DPP10: variants seen among roughly 807,000 people sequenced by gnomAD.
DPP10 encodes dipeptidyl peptidase like 10, also known as inactive dipeptidyl peptidase 10.
Under a neutral mutation model 120.9 loss-of-function variants are expected in DPP10, and 33 were observed. The ratio of observed to expected loss-of-function variants is 0.27; its 90% CI spans 0.21 to 0.37. The LOEUF (loss-of-function observed/expected upper bound fraction) is 0.37. Ranked by LOEUF, DPP10 falls within the 10% of genes least tolerant of loss-of-function variation. DPP10 has a pLI of 1.00. For missense variants in DPP10, 816 were observed against 942.8 expected (o/e 0.87, Z 1.76); for synonymous variants, 337 against 326.1 (o/e 1.03, Z -0.36).
intron 1 of DPP10, among the ~76,000 whole-genome samples, chr2:114,552,363 G>A (rs1408977469): frequency 1.3e-5 from 2 of 152,110 alleles, no homozygotes. Flanking sequence ...TGTATTTTCC[G>A]GCTGTCTAGT....
At chr2:114,796,626 C>T (rs1034576559) in intron 1 of DPP10, among the ~76,000 whole-genome samples, 1 of 152,150 alleles carries the variant, frequency 6.6e-6, no homozygotes, top group African/African-American at 2.4e-5. Flanking sequence ...GTTCCCCTAA[C>T]TTCCATGTTA....
chr2:115,665,518 T>C (rs1389893171), intron 5 of DPP10, among the ~76,000 whole-genome samples: 1 of 152,208 alleles, frequency 6.6e-6, no homozygotes, highest in Non-Finnish European at 1.5e-5. Flanking sequence ...AATTGAATCT[T>C]ATTGCAACAT....
chr2:115,108,027 G>T (rs2049034383), intron 1 of DPP10, among the ~76,000 whole-genome samples: 1 of 152,092 alleles, frequency 6.6e-6, no homozygotes, highest in East Asian at 1.9e-4. Flanking sequence ...CTGTTAATTT[G>T]ATCACCCAGA....
At chr2:114,974,000 T>C (rs1345156273) in intron 1 of DPP10, among the ~76,000 whole-genome samples, 1 of 152,206 alleles carries the variant, frequency 6.6e-6, no homozygotes, top group Admixed American at 6.5e-5. Context: ...GCCATGTGTT[T>C]TAAATTAAGT....
At chr2:115,331,490 C>T (rs900702894) in intron 2 of DPP10, among the ~76,000 whole-genome samples, 5 of 152,144 alleles carry the variant, frequency 3.3e-5, no homozygotes, top group African/African-American at 1.2e-4. Context: ...GGGGCATCCC[C>T]GTCTTGTGCC....
chr2:114,725,283 G>A (rs994699637), intron 1 of DPP10, among the ~76,000 whole-genome samples: 6 of 152,098 alleles, frequency 3.9e-5, no homozygotes, highest in Admixed American at 6.5e-5. Context: ...ACCGCACTAC[G>A]CATATTCACA....
At chr2:114,771,907 G>A (rs996167261) in intron 1 of DPP10, among the ~76,000 whole-genome samples, 2 of 151,950 alleles carry the variant, frequency 1.3e-5, no homozygotes, top group Non-Finnish European at 2.9e-5. Flanking sequence ...ATTACGTCTT[G>A]AAACACCCTT....
intron 1 of DPP10, among the ~76,000 whole-genome samples, chr2:114,818,182 A>G (rs1311504507): frequency 6.6e-6 from 1 of 152,188 alleles, no homozygotes; most frequent in Non-Finnish European, 1.5e-5. Flanking sequence ...GTCACTTATA[A>G]GCAATAATTT....
chr2:115,509,575 A>C (rs1178406945), intron 4 of DPP10, among the ~76,000 whole-genome samples: 1 of 152,174 alleles, frequency 6.6e-6, no homozygotes, highest in Non-Finnish European at 1.5e-5. Flanking sequence ...CCTTTAAGTT[A>C]AAAATAGTCT....
intron 5 of DPP10, among the ~76,000 whole-genome samples, chr2:115,546,384 A>C (rs534609927): frequency 6.6e-6 from 1 of 152,276 alleles, no homozygotes; most frequent in South Asian, 2.1e-4. Flanking sequence ...TGTATTTGCC[A>C]GTTGTCCTCA....
intron 5 of DPP10, among the ~76,000 whole-genome samples, chr2:115,592,150 G>A (rs181248008): frequency 1.6e-4 from 24 of 152,232 alleles, no homozygotes; most frequent in Admixed American, 1.3e-3. Flanking sequence ...ATGTGTACAC[G>A]TGAGAGCCTT....
chr2:115,446,341 C>A (rs2072584786), intron 3 of DPP10, among the ~76,000 whole-genome samples: 1 of 152,198 alleles, frequency 6.6e-6, no homozygotes, highest in African/African-American at 2.4e-5. Flanking sequence ...AGCCCACACA[C>A]AGAGTCCCCA....
At chr2:115,304,483 G>A (rs1431190307) in intron 1 of DPP10, among the ~76,000 whole-genome samples, 1 of 151,948 alleles carries the variant, frequency 6.6e-6, no homozygotes. Flanking sequence ...CAGGTGGTTG[G>A]AGAAAATCTA....
chr2:115,145,682 G>A (rs1296971304), intron 1 of DPP10, among the ~76,000 whole-genome samples: 1 of 152,040 alleles, frequency 6.6e-6, no homozygotes, highest in Non-Finnish European at 1.5e-5. Flanking sequence ...TGCAATTGCT[G>A]GATCATACGG....
At chr2:115,320,655 A>G (rs2062014551) in intron 2 of DPP10, among the ~76,000 whole-genome samples, 1 of 152,066 alleles carries the variant, frequency 6.6e-6, no homozygotes. Context: ...ACATCTATAT[A>G]TATTGTGTGA....
At chr2:114,779,406 G>A (rs184231888) in intron 1 of DPP10, among the ~76,000 whole-genome samples, 3 of 152,174 alleles carry the variant, frequency 2.0e-5, no homozygotes, top group East Asian at 3.9e-4. Context: ...CTCCCTGAGA[G>A]CTACCCAAGG....
chr2:114,794,529 G>T (rs142442352), intron 1 of DPP10, among the ~76,000 whole-genome samples: 1 of 152,216 alleles, frequency 6.6e-6, no homozygotes, highest in African/African-American at 2.4e-5. Context: ...TGGGGGTGAC[G>T]TTCTGGCAAG....
intron 1 of DPP10, among the ~76,000 whole-genome samples, chr2:115,019,272 T>TA (rs1702896608): frequency 6.6e-6 from 1 of 151,722 alleles, no homozygotes; most frequent in Admixed American, 6.6e-5. Context: ...AATAAATAAA[T>TA]AAAATGGAAA....
intron 1 of DPP10, among the ~76,000 whole-genome samples, chr2:114,937,292 G>A (rs1482338209): frequency 6.6e-5 from 10 of 152,020 alleles, no homozygotes; most frequent in Admixed American, 2.0e-4. Context: ...ATCCAGTTTC[G>A]TTCTCCTACA....
Sources: allele counts gnomAD v4.1 joint callset (sites outside exome capture counted in the v4.1 genomes callset), GRCh38; gene constraint gnomAD v4.1.1; transcripts MANE v1.5; gene names NCBI Gene and HGNC (gene_info 2026-07-23, HGNC 2026-07-21).